The following MVB12B variants were observed in gnomAD, a reference collection of about 807,000 sequenced individuals.
The protein encoded by MVB12B is multivesicular body subunit 12B, also known as ESCRT-I complex subunit MVB12B.
MVB12B carries 16 observed loss-of-function variants against 41.6 expected under a neutral mutation model. That is an observed-to-expected ratio of 0.38 (90% CI 0.26 to 0.58). MVB12B has a LOEUF of 0.58. MVB12B is among the 20% of genes least tolerant of loss of function. The pLI is 0.62. For missense variants in MVB12B, 274 were observed against 380.2 expected (o/e 0.72, Z 2.32); for synonymous variants, 133 against 139.7 (o/e 0.95, Z 0.34).
intron 6 of MVB12B, among the ~76,000 whole-genome samples, chr9:126,418,022 G>A (rs1365164222): frequency 6.6e-6 from 1 of 152,236 alleles, no homozygotes. Flanking sequence ...GAGGAGAGGG[G>A]AAGTAAGTAG....
At chr9:126,347,273 GA>G (rs527899970) in intron 2 of MVB12B, among the ~76,000 whole-genome samples, 1 of 152,238 alleles carries the variant, frequency 6.6e-6, no homozygotes, top group South Asian at 2.1e-4. Flanking sequence ...TGCACGCTGG[GA>G]AGCCAGCCTT....
rs1431511782 is a variant in MVB12B, at chr9:126,389,732, C to A, written c.410-2334C>A. Among the ~76,000 whole-genome samples, 1 of 152,006 alleles carries A rather than the reference C, an allele frequency of 6.6e-6. No homozygotes were observed. Among genetic ancestry groups the A allele is most frequent in the Non-Finnish European group, 1.5e-5 (1 of 67,996 alleles). The stretch of plus-strand genomic sequence containing the variant: ...AGTTGCAGAGTTGCCATGAGCAGCG[C>A]CCCCAACTCCCCAGGTTGCTGTCCC... On this transcript the variant is annotated intron_variant, in intron 4 of 9. Transcript: ENST00000361171. This position sits in a 1 kb window ranked among gnomAD's most constrained non-coding sequence, Gnocchi z 4.4.
chr9:126,437,784 A>G (rs1037065437), intron 7 of MVB12B, among the ~76,000 whole-genome samples: 2 of 152,262 alleles, frequency 1.3e-5, no homozygotes, highest in Admixed American at 1.3e-4. Context: ...ATAGTTCTAT[A>G]GAAATCAGTT....
chr9:126,347,363 C>T (rs905543901), intron 2 of MVB12B, among the ~76,000 whole-genome samples: 1 of 152,230 alleles, frequency 6.6e-6, no homozygotes, highest in African/African-American at 2.4e-5. Context: ...CTCCTGCCTC[C>T]CCCCATGTCT....
At chr9:126,365,833 G>A (rs907904586) in intron 2 of MVB12B, among the ~76,000 whole-genome samples, 2 of 152,176 alleles carry the variant, frequency 1.3e-5, no homozygotes, top group Admixed American at 1.3e-4. Context: ...CCCACCACGG[G>A]CCTGTACTGG....
chr9:126,348,377 A>G (rs1244045636), intron 2 of MVB12B, among the ~76,000 whole-genome samples: 1 of 152,206 alleles, frequency 6.6e-6, no homozygotes, highest in East Asian at 1.9e-4. Context: ...TGGCACACTT[A>G]GCACAGTGCT....
chr9:126,347,000 G>T (rs990458167), intron 2 of MVB12B, among the ~76,000 whole-genome samples: 4 of 152,222 alleles, frequency 2.6e-5, no homozygotes, highest in African/African-American at 9.6e-5. Flanking sequence ...TTTGAAGAGG[G>T]GAGGCCAGGG....
chr9:126,394,998 C>T (rs1831068645), intron 5 of MVB12B, among the ~76,000 whole-genome samples: 1 of 152,034 alleles, frequency 6.6e-6, no homozygotes, highest in Admixed American at 6.6e-5. Context: ...AGAGCTTATG[C>T]GGCGTCTGGG....
At chr9:126,495,445 AATAC>A (rs1463456811) in intron 9 of MVB12B, among the ~76,000 whole-genome samples, 5 of 152,180 alleles carry the variant, frequency 3.3e-5, no homozygotes, top group Admixed American at 2.6e-4. Context: ...TTTGTTTTGA[AATAC>A]ATAGTTTTCT....
chr9:126,411,839 TCA>T (rs1232630849), intron 6 of MVB12B, among the ~76,000 whole-genome samples: 1 of 152,220 alleles, frequency 6.6e-6, no homozygotes, highest in Admixed American at 6.5e-5. Context: ...CAATATCTCC[TCA>T]CATCTCTGGG....
intron 7 of MVB12B, among the ~76,000 whole-genome samples, chr9:126,458,789 G>A (rs1267751446): frequency 6.6e-6 from 1 of 152,198 alleles, no homozygotes; most frequent in African/African-American, 2.4e-5. Context: ...ACTCAGGGAA[G>A]CACAGAAAGG....
chr9:126,463,566 A>C (rs908223267), intron 7 of MVB12B, among the ~76,000 whole-genome samples: 2 of 152,096 alleles, frequency 1.3e-5, no homozygotes, highest in Admixed American at 1.3e-4. Context: ...TATTTGGTCT[A>C]TCCCTGGCCA....
chr9:126,385,069 T>C (rs893054509), intron 3 of MVB12B, among the ~76,000 whole-genome samples: 12 of 151,954 alleles, frequency 7.9e-5, no homozygotes, highest in African/African-American at 2.9e-4. Flanking sequence ...ACTCCTGAAC[T>C]CAAGCTACCC....
intron 9 of MVB12B, among the ~76,000 whole-genome samples, chr9:126,500,816 G>T (rs546227856): frequency 3.7e-4 from 57 of 152,312 alleles, no homozygotes; most frequent in Middle Eastern, 3.4e-3. Flanking sequence ...GTCAGGCCCC[G>T]AATCTGCTTT....
intron 2 of MVB12B, among the ~76,000 whole-genome samples, chr9:126,375,936 G>A (rs1435506068): frequency 6.6e-6 from 1 of 152,140 alleles, no homozygotes; most frequent in African/African-American, 2.4e-5. Flanking sequence ...CCCCAGTGTG[G>A]TGGGATTCTC....
At position 126,431,435 on chromosome 9, in the gene MVB12B, T is replaced by C. The variant is rs1199646952; in HGVS notation, c.757+9487T>C. ...TACCTTTGGTTTTTTGGAGGAAAAG[T>C]GCCTGGGGGGCTGATTTCTGCTCTA... On this transcript the variant is annotated intron_variant, in intron 7 of 9. Coordinates refer to ENST00000361171, the MANE Select transcript of MVB12B (RefSeq NM_033446.3). Among the ~76,000 whole-genome samples the C allele has an allele frequency of 3.9e-5, 6 of 152,354 alleles. No homozygotes were observed. In the East Asian group the frequency reaches 1.2e-3, roughly 29 times the overall value.
In MVB12B at chr9:126,503,376, CA is replaced by C. The variant is rs1452322349; in HGVS notation, c.*114del. 2.3e-6 allele frequency: 2 copies of C among 865,776 alleles called. No homozygotes were observed. The highest frequency in any genetic ancestry group is 5.3e-5 in the East Asian group (2 of 37,514). The allele number at this position is 865,776 out of a possible 1,614,324, so 53.6% of individuals were successfully genotyped here. A position where few individuals can be genotyped will look rare whatever the true frequency, so the allele number is the denominator to read the frequency against. Reference sequence around the variant, plus strand: ...GCCAGCCCTCCCTCCCACACTGCCCCAGCAGGGCTGGCCCGGAGACTGGGCA... The same window carrying C: ...GCCAGCCCTCCCTCCCACACTGCCCCGCAGGGCTGGCCCGGAGACTGGGCA... On this transcript the variant is annotated 3_prime_UTR_variant, in exon 10 of 10. Transcript: ENST00000361171.
At chr9:126,335,329 A>G (rs1320712928) in intron 1 of MVB12B, 1 of 1,304,088 alleles carries the variant, frequency 7.7e-7, no homozygotes, top group African/African-American at 1.5e-5. Flanking sequence ...ACTGTCCCCC[A>G]CGGGTGGCCC....
Position 126,504,287 on chromosome 9 carries a change from G to C in MVB12B, c.*1024G>C, listed in dbSNP as rs559895296. On this transcript the variant is annotated 3_prime_UTR_variant, in exon 10 of 10. Transcript: ENST00000361171. Reference sequence around the variant, plus strand: ...TGCTGGCGTCCTCAAAGTGCCGGGCGCCAAGTTCAGCCCCAGGTGCGTTTG... The same window carrying C: ...TGCTGGCGTCCTCAAAGTGCCGGGCCCCAAGTTCAGCCCCAGGTGCGTTTG... 1 of 152,294 alleles carries C rather than the reference G, an allele frequency of 6.6e-6. No homozygotes were observed. Among genetic ancestry groups the C allele is most frequent in the Non-Finnish European group, 1.5e-5 (1 of 68,058 alleles). 9.4% of individuals were successfully genotyped at this position (152,294 alleles called of 1,614,324 possible).
Sources: allele counts gnomAD v4.1 joint callset (sites outside exome capture counted in the v4.1 genomes callset), GRCh38; gene constraint gnomAD v4.1.1; non-coding constraint Gnocchi (gnomAD v3.1); transcripts MANE v1.5; gene names NCBI Gene and HGNC (gene_info 2026-07-23, HGNC 2026-07-21).